SDC2: variants seen among roughly 807,000 people sequenced by gnomAD.
SDC2 encodes syndecan-2.
SDC2 carries 13 observed loss-of-function variants against 22.2 expected under a neutral mutation model. The ratio of observed to expected loss-of-function variants is 0.59; its 90% CI spans 0.38 to 0.93. SDC2 has a LOEUF of 0.93. Ranked by LOEUF, SDC2 falls within the 40% of genes least tolerant of loss-of-function variation. The pLI is 0.00. For missense variants in SDC2, 235 were observed against 246.8 expected (o/e 0.95, Z 0.32); for synonymous variants, 94 against 92.8 (o/e 1.01, Z -0.07).
chr8:96,579,930 T>C (rs1814562391), intron 1 of SDC2, among the ~76,000 whole-genome samples: 2 of 152,328 alleles, frequency 1.3e-5, no homozygotes, highest in East Asian at 3.9e-4. Context: ...ATTGTTTTCT[T>C]AAAAGCCGTG....
intron 1 of SDC2, among the ~76,000 whole-genome samples, chr8:96,495,320 T>G (rs1813054493): frequency 6.6e-6 from 1 of 152,202 alleles, no homozygotes; most frequent in South Asian, 2.1e-4. Context: ...GGAACTTGAT[T>G]TCTCCTTTTG....
At chr8:96,530,338 T>C (rs537497388) in intron 1 of SDC2, among the ~76,000 whole-genome samples, 1 of 152,322 alleles carries the variant, frequency 6.6e-6, no homozygotes, top group Non-Finnish European at 1.5e-5. Context: ...CTTGTTAGTA[T>C]TAAAATGGTG....
At chr8:96,587,021 C>T (rs1342813824) in intron 1 of SDC2, among the ~76,000 whole-genome samples, 3 of 152,142 alleles carry the variant, frequency 2.0e-5, no homozygotes, top group Non-Finnish European at 4.4e-5. Context: ...CTCCTGGGTT[C>T]AAGCGATTCT....
In SDC2 at chr8:96,550,586, C is replaced by T. The variant is rs551301617; in HGVS notation, c.61-42894C>T. Among the ~76,000 whole-genome samples, 88 of 152,242 alleles carry T rather than the reference C, an allele frequency of 5.8e-4. 2 individuals carry two copies. In the South Asian group the frequency reaches 0.017, roughly 29 times the overall value. ...GTGACATAGGGAGTTTTGCTCTCTC[C>T]AGCATGTCCATTGACTTGAGCTGGT... On this transcript the variant is annotated intron_variant, in intron 1 of 4. Coordinates refer to ENST00000302190, the MANE Select transcript of SDC2 (RefSeq NM_002998.4).
intron 1 of SDC2, among the ~76,000 whole-genome samples, chr8:96,551,535 G>GT (rs1814027707): frequency 6.6e-6 from 1 of 152,150 alleles, no homozygotes; most frequent in African/African-American, 2.4e-5. Flanking sequence ...GAGCAGTTCA[G>GT]TAACTTGTCC....
At chr8:96,594,813 T>C (rs1419456467) in intron 2 of SDC2, among the ~76,000 whole-genome samples, 2 of 152,146 alleles carry the variant, frequency 1.3e-5, no homozygotes, top group African/African-American at 4.8e-5. Context: ...GAAACAAACA[T>C]GTACTTCTTC....
At chr8:96,576,804 G>T (rs554837388) in intron 1 of SDC2, among the ~76,000 whole-genome samples, 2 of 152,202 alleles carry the variant, frequency 1.3e-5, no homozygotes, top group African/African-American at 4.8e-5. Flanking sequence ...GACCCCTGAG[G>T]ATTCAGCATT....
At chr8:96,552,044 C>T (rs145668549) in intron 1 of SDC2, among the ~76,000 whole-genome samples, 1 of 152,274 alleles carries the variant, frequency 6.6e-6, no homozygotes, top group East Asian at 1.9e-4. Flanking sequence ...GAGCAAGTAA[C>T]ACATCACTTA....
intron 1 of SDC2, among the ~76,000 whole-genome samples, chr8:96,571,256 T>A (rs1432433388): frequency 6.6e-6 from 1 of 151,938 alleles, no homozygotes; most frequent in Non-Finnish European, 1.5e-5. Context: ...TCCTATGAAA[T>A]GAGAGGGAAC....
rs532822051 is a variant in SDC2, at chr8:96,525,349, A to G, written c.60+31018A>G. On this transcript the variant is annotated intron_variant, in intron 1 of 4. Coordinates refer to ENST00000302190, the MANE Select transcript of SDC2 (RefSeq NM_002998.4). ...GCTCCTCTTTTAACAGCTGCCTCCC[A>G]CCTGTGCTCACTTCCACCTGCAGGC... Among the ~76,000 whole-genome samples the G allele has an allele frequency of 6.6e-5, 10 of 152,188 alleles. No homozygotes were observed. The South Asian group carries it at 1.5e-3, about 22-fold the overall frequency.
intron 1 of SDC2, among the ~76,000 whole-genome samples, chr8:96,540,265 G>C (rs772190541): frequency 2.5e-4 from 38 of 150,814 alleles, no homozygotes; most frequent in Non-Finnish European, 4.0e-4. Flanking sequence ...GCCGAGGTGG[G>C]TGGATTGCTT....
At chr8:96,580,270 A>G (rs1814568836) in intron 1 of SDC2, 1 of 459,744 alleles carries the variant, frequency 2.2e-6, no homozygotes, top group Admixed American at 6.4e-5. Context: ...TAGCCTCCAA[A>G]GCAGGAGGGG....
At position 96,522,995 on chromosome 8, in the gene SDC2, C is replaced by T. The variant is rs1011193619; in HGVS notation, c.60+28664C>T. On this transcript the variant is annotated intron_variant, in intron 1 of 4. Coordinates refer to ENST00000302190, the MANE Select transcript of SDC2 (RefSeq NM_002998.4). ...TTCCTTTTCACTGCTTGTTACTTGGCGTTTGGATGGAAACGTATCCTCCCT... is the reference window on the plus strand; with the variant it reads ...TTCCTTTTCACTGCTTGTTACTTGGTGTTTGGATGGAAACGTATCCTCCCT... Among the ~76,000 whole-genome samples, 8 of 152,080 alleles carry T rather than the reference C, an allele frequency of 5.3e-5. No homozygotes were observed. In the East Asian group the frequency reaches 1.3e-3, roughly 26 times the overall value.
In SDC2 at chr8:96,602,408, T is replaced by A; in HGVS notation, c.186T>A (p.Asp62Glu). The change falls in exon 3 of 5, where the codon GAT becomes GAA. Residue 62 changes from aspartate to glutamate, a missense_variant. Coordinates refer to ENST00000302190, the MANE Select transcript of SDC2 (RefSeq NM_002998.4). ...ASASGSGADEDVESPELTTSR... is the reference protein window; with the variant it reads ...ASASGSGADEEVESPELTTSR... ...TTACTTTTCCAGGAGCTGATGAGGA[T>A]GTAGAGAGTCCAGAGCTGACAACAT... The A allele has an allele frequency of 6.2e-7, 1 of 1,614,130 alleles. No individual in the cohort carries two copies. The highest frequency in any genetic ancestry group is 8.5e-7 in the Non-Finnish European group (1 of 1,179,986).
At chr8:96,535,371 ATTTG>A (rs1813738558) in intron 1 of SDC2, among the ~76,000 whole-genome samples, 1 of 152,240 alleles carries the variant, frequency 6.6e-6, no homozygotes, top group African/African-American at 2.4e-5. Flanking sequence ...ACTAAAAATT[ATTTG>A]TTTATCTGGA....
At chr8:96,590,237 A>G (rs949614884) in intron 1 of SDC2, among the ~76,000 whole-genome samples, 1 of 152,212 alleles carries the variant, frequency 6.6e-6, no homozygotes, top group Non-Finnish European at 1.5e-5. Context: ...CTGTTAGCCA[A>G]CAGTATTGGC....
chr8:96,516,235 G>A (rs901840213), intron 1 of SDC2, among the ~76,000 whole-genome samples: 27 of 152,014 alleles, frequency 1.8e-4, no homozygotes, highest in Non-Finnish European at 3.7e-4. Context: ...TTTTTAGTTC[G>A]GGATCTAAGG....
In SDC2 at chr8:96,608,440, A is replaced by G; in HGVS notation, c.412A>G (p.Ser138Gly). 2 of 1,613,366 alleles carry G rather than the reference A, an allele frequency of 1.2e-6. No homozygotes were observed. The highest frequency in any genetic ancestry group is 1.1e-5 in the South Asian group (1 of 90,796). ...TGTGTATACTGAGAAACACTCAGAC[A>G]GTCTGTTTAAACGGACAGAAGTCCT... ...TNVYTEKHSD[S>G]LFKRTEVLAA... Residue 138 changes from serine to glycine, a missense_variant, in exon 4 of 5, where the codon AGT becomes GGT. Coordinates refer to ENST00000302190, the MANE Select transcript of SDC2 (RefSeq NM_002998.4).
intron 1 of SDC2, among the ~76,000 whole-genome samples, chr8:96,498,115 C>A (rs1813102393): frequency 6.6e-6 from 1 of 152,222 alleles, no homozygotes; most frequent in South Asian, 2.1e-4. Flanking sequence ...TGGACTCATT[C>A]ATCTTTGTTG....
Sources: gnomAD v4.1 joint callset for allele counts (sites outside exome capture counted in the v4.1 genomes callset) on GRCh38, gnomAD v4.1.1 for gene constraint, MANE v1.5 for transcripts, NCBI Gene and HGNC (gene_info 2026-07-23, HGNC 2026-07-21) for gene names.